The following LEKR1 variants were observed in gnomAD, a reference collection of about 807,000 sequenced individuals.
The protein encoded by LEKR1 is protein LEKR1.
A neutral mutation model predicts 72.4 loss-of-function variants in LEKR1; 59 were observed. The observed-to-expected ratio is 0.82, with a 90% confidence interval of 0.66 to 1.01. LEKR1 has a LOEUF of 1.01. Among genes scored for constraint, LEKR1 ranks in the 50% least tolerant of loss-of-function variants. LEKR1 has a pLI of 0.00. For synonymous variants in LEKR1, 257 were observed against 263.2 expected (o/e 0.98, Z 0.23); for missense variants, 728 against 759.2 (o/e 0.96, Z 0.48).
At chr3:156,982,272 A>G (rs1730265544) in intron 7 of LEKR1, among the ~76,000 whole-genome samples, 1 of 152,188 alleles carries the variant, frequency 6.6e-6, no homozygotes, top group African/African-American at 2.4e-5. Context: ...TGCTGCCCTC[A>G]GCACTGGCTT....
intron 2 of LEKR1, among the ~76,000 whole-genome samples, chr3:156,831,460 T>C (rs1712392078): frequency 6.6e-6 from 1 of 152,146 alleles, no homozygotes; most frequent in African/African-American, 2.4e-5. Context: ...TCTCCCAAAG[T>C]TAGATTGGCC....
At chr3:156,982,123 C>T (rs1019260358) in intron 7 of LEKR1, among the ~76,000 whole-genome samples, 26 of 152,024 alleles carry the variant, frequency 1.7e-4, no homozygotes, top group Middle Eastern at 3.2e-3. Flanking sequence ...TTTAAAAGAA[C>T]GTTGTTATGT....
intron 12 of LEKR1, among the ~76,000 whole-genome samples, chr3:157,043,595 T>A (rs887564266): frequency 1.3e-5 from 2 of 152,200 alleles, no homozygotes; most frequent in Admixed American, 6.5e-5. Context: ...GGAGTTACTC[T>A]CAGCAAGTTA....
chr3:156,953,817 T>G (rs977808344), intron 6 of LEKR1, among the ~76,000 whole-genome samples: 18 of 151,932 alleles, frequency 1.2e-4, no homozygotes, highest in African/African-American at 4.3e-4. Context: ...TGAATAGTGC[T>G]GCAATGAACA....
intron 12 of LEKR1, among the ~76,000 whole-genome samples, chr3:157,031,691 AGCT>A (rs1734621709): frequency 6.6e-6 from 1 of 152,216 alleles, no homozygotes; most frequent in Non-Finnish European, 1.5e-5. Context: ...GGAGAAATAA[AGCT>A]GCATTTAAGT....
chr3:156,899,533 C>T (rs1189557683), intron 3 of LEKR1, among the ~76,000 whole-genome samples: 12 of 103,798 alleles, frequency 1.2e-4, no homozygotes, highest in South Asian at 6.8e-4. Flanking sequence ...CATATATACA[C>T]ATATATACAT....
At chr3:156,864,255 C>T (rs1380238812) in intron 3 of LEKR1, among the ~76,000 whole-genome samples, 7 of 151,932 alleles carry the variant, frequency 4.6e-5, no homozygotes, top group Non-Finnish European at 2.9e-5. Flanking sequence ...GTCAGTCATC[C>T]TTTGACAGTA....
intron 10 of LEKR1, among the ~76,000 whole-genome samples, chr3:157,019,472 G>T (rs1210355599): frequency 6.6e-6 from 1 of 152,056 alleles, no homozygotes; most frequent in East Asian, 1.9e-4. Context: ...GCTAGAAGAG[G>T]ATATAGATAA....
At chr3:157,032,273 A>G (rs978739313) in intron 12 of LEKR1, among the ~76,000 whole-genome samples, 10 of 152,232 alleles carry the variant, frequency 6.6e-5, no homozygotes, top group African/African-American at 2.4e-4. Context: ...TAAATCAAAT[A>G]AACAGCTCAC....
intron 3 of LEKR1, among the ~76,000 whole-genome samples, chr3:156,854,868 A>T (rs868655944): frequency 1.8e-4 from 28 of 152,058 alleles, no homozygotes; most frequent in African/African-American, 5.8e-4. Context: ...TTCTTAATAT[A>T]TGTAGTTTAT....
intron 3 of LEKR1, among the ~76,000 whole-genome samples, chr3:156,884,879 A>C (rs1719885599): frequency 6.6e-6 from 1 of 152,092 alleles, no homozygotes; most frequent in South Asian, 2.1e-4. Flanking sequence ...AAGTTTTCCA[A>C]AGTTTTTGAT....
intron 3 of LEKR1, among the ~76,000 whole-genome samples, chr3:156,858,674 CAAA>C (rs796279918): frequency 4.1e-5 from 5 of 122,136 alleles, no homozygotes; most frequent in Admixed American, 2.5e-4. Context: ...GACCCTGTCT[CAAA>C]AAAAAAAAAA....
chr3:157,029,071 T>C (rs964555811), intron 12 of LEKR1, among the ~76,000 whole-genome samples: 3 of 152,196 alleles, frequency 2.0e-5, no homozygotes, highest in Non-Finnish European at 2.9e-5. Flanking sequence ...GATGACAGTA[T>C]AGCAAATAAA....
chr3:156,894,680 G>T (rs1255807030), intron 3 of LEKR1, among the ~76,000 whole-genome samples: 2 of 152,164 alleles, frequency 1.3e-5, no homozygotes, highest in East Asian at 1.9e-4. Flanking sequence ...GCATGGTACT[G>T]GTACAGAAAC....
chr3:156,906,933 T>G (rs1327496065), intron 3 of LEKR1, among the ~76,000 whole-genome samples: 1 of 152,190 alleles, frequency 6.6e-6, no homozygotes, highest in Non-Finnish European at 1.5e-5. Context: ...ATAGCTGGAA[T>G]GGGCTTCTAT....
intron 9 of LEKR1, among the ~76,000 whole-genome samples, chr3:156,998,510 A>G (rs995050276): frequency 2.6e-5 from 4 of 152,184 alleles, no homozygotes; most frequent in Non-Finnish European, 5.9e-5. Flanking sequence ...CCAAGAAAAA[A>G]TACAGAAAGA....
At chr3:157,043,048 A>T (rs1175761070) in intron 12 of LEKR1, among the ~76,000 whole-genome samples, 1 of 152,116 alleles carries the variant, frequency 6.6e-6, no homozygotes, top group South Asian at 2.1e-4. Flanking sequence ...ATACTGAATG[A>T]GTTCTCATGA....
intron 3 of LEKR1, among the ~76,000 whole-genome samples, chr3:156,902,346 G>T (rs1164395723): frequency 6.6e-6 from 1 of 151,922 alleles, no homozygotes; most frequent in Non-Finnish European, 1.5e-5. Flanking sequence ...TTTAAAATGG[G>T]TTCATTATAT....
At position 156,931,818 on chromosome 3, in the gene LEKR1, G is replaced by A. The variant is rs568660452; in HGVS notation, c.559+4214G>A. Among the ~76,000 whole-genome samples, 5 of 152,200 alleles carry A rather than the reference G, an allele frequency of 3.3e-5. No homozygotes were observed. In the South Asian group the frequency reaches 1.0e-3, roughly 32 times the overall value. On this transcript the variant is annotated intron_variant, in intron 5 of 12. Coordinates refer to ENST00000356539, the MANE Select transcript of LEKR1 (RefSeq NM_001004316.3). Reference sequence around the variant, plus strand: ...AACTAATCTACACTGGGGAAAAAATGTTTGCCATGGAGGGTAGGATTGACT... The same window carrying A: ...AACTAATCTACACTGGGGAAAAAATATTTGCCATGGAGGGTAGGATTGACT...
Sources: allele counts gnomAD v4.1 joint callset (sites outside exome capture counted in the v4.1 genomes callset), GRCh38; gene constraint gnomAD v4.1.1; transcripts MANE v1.5; gene names NCBI Gene and HGNC (gene_info 2026-07-23, HGNC 2026-07-21).